LRP1B: variants seen among roughly 807,000 people sequenced by gnomAD.
LRP1B encodes the protein low-density lipoprotein receptor-related protein 1B.
Under a neutral mutation model 556.6 loss-of-function variants are expected in LRP1B, and 217 were observed. The observed-to-expected ratio is 0.39, with a 90% CI of 0.35 to 0.44. The LOEUF is 0.44. Ranked by LOEUF, LRP1B falls within the 20% of genes least tolerant of loss-of-function variation. The pLI, the probability that LRP1B is intolerant of heterozygous loss-of-function variation, is 1.00. For synonymous variants in LRP1B, 2,047 were observed against 1,865.8 expected (o/e 1.10, Z -2.50); for missense variants, 5,053 against 5,620.8 (o/e 0.90, Z 3.23).
At chr2:140,989,396 C>G in intron 17 of LRP1B, 136 bp downstream of exon 17, 1 of 884,428 alleles carries the variant, frequency 1.1e-6, no homozygotes, top group Non-Finnish European at 1.7e-6. Context: ...TGGCATCAAA[C>G]TCTGAATTCA....
At chr2:141,012,611 T>G (rs896050717) in intron 14 of LRP1B, among the ~76,000 whole-genome samples, 1 of 152,004 alleles carries the variant, frequency 6.6e-6, no homozygotes, top group Non-Finnish European at 1.5e-5. Flanking sequence ...ATATTTCTCA[T>G]GTACACATTT....
intron 1 of LRP1B, among the ~76,000 whole-genome samples, chr2:141,821,153 A>G (rs1696739791): frequency 6.6e-6 from 1 of 152,246 alleles, no homozygotes; most frequent in South Asian, 2.1e-4. Context: ...AGCCTCCAAA[A>G]GAACTCAGCC....
intron 2 of LRP1B, among the ~76,000 whole-genome samples, chr2:141,734,159 T>C (rs528337199): frequency 5.9e-5 from 9 of 152,248 alleles, no homozygotes; most frequent in Non-Finnish European, 1.0e-4. Context: ...ACTGAATCCA[T>C]TGTAATTAAT....
intron 73 of LRP1B, among the ~76,000 whole-genome samples, chr2:140,358,348 A>C (rs189646274): frequency 2.0e-5 from 3 of 151,826 alleles, no homozygotes; most frequent in African/African-American, 7.2e-5. Flanking sequence ...AAATTTTAAA[A>C]TATTTACCCT....
intron 20 of LRP1B, among the ~76,000 whole-genome samples, chr2:140,945,543 G>T (rs997307970): frequency 2.0e-5 from 3 of 152,052 alleles, no homozygotes; most frequent in Non-Finnish European, 2.9e-5. Context: ...AAAGAGCTCA[G>T]AAATAAAGCT....
chr2:140,246,956 C>A, intron 87 of LRP1B, 130 bp downstream of exon 87: 1 of 613,352 alleles, frequency 1.6e-6, no homozygotes, highest in South Asian at 1.9e-5. Flanking sequence ...TTCAAAAACA[C>A]CTCAATTGCA....
intron 2 of LRP1B, among the ~76,000 whole-genome samples, chr2:141,653,528 T>A (rs918928193): frequency 6.6e-6 from 1 of 152,198 alleles, no homozygotes; most frequent in African/African-American, 2.4e-5. Flanking sequence ...TATCTACAGA[T>A]CCAGTTAGAT....
At chr2:140,419,925 C>T (rs1296434396) in intron 66 of LRP1B, among the ~76,000 whole-genome samples, 1 of 151,188 alleles carries the variant, frequency 6.6e-6, no homozygotes, top group Non-Finnish European at 1.5e-5. Context: ...GGAGAATAAC[C>T]TGAACCCAGG....
At chr2:141,754,207 C>T (rs1694239973) in intron 2 of LRP1B, among the ~76,000 whole-genome samples, 1 of 151,998 alleles carries the variant, frequency 6.6e-6, no homozygotes, top group Non-Finnish European at 1.5e-5. Context: ...TGTCCTCAGG[C>T]TCTCTCATTT....
At chr2:142,126,538 C>A (rs191282316) in intron 1 of LRP1B, among the ~76,000 whole-genome samples, 11 of 151,902 alleles carry the variant, frequency 7.2e-5, no homozygotes, top group Non-Finnish European at 1.2e-4. Context: ...GCATGTTTAA[C>A]TTTTAGGATT....
chr2:140,732,746 A>G (rs1013019568), intron 35 of LRP1B, among the ~76,000 whole-genome samples: 1 of 152,148 alleles, frequency 6.6e-6, no homozygotes, highest in African/African-American at 2.4e-5. Flanking sequence ...TATCAGGTAA[A>G]TGAAGAGACA....
At chr2:140,590,689 A>G (rs1435449475) in intron 43 of LRP1B, among the ~76,000 whole-genome samples, 2 of 152,052 alleles carry the variant, frequency 1.3e-5, no homozygotes, top group East Asian at 1.9e-4. Context: ...CAACCTGACT[A>G]TGCTGGCACC....
chr2:141,382,811 C>A (rs1469456162), intron 3 of LRP1B, among the ~76,000 whole-genome samples: 2 of 152,132 alleles, frequency 1.3e-5, no homozygotes, highest in Non-Finnish European at 2.9e-5. Flanking sequence ...ACATTGGTCT[C>A]AGCAGTGATT....
intron 67 of LRP1B, among the ~76,000 whole-genome samples, chr2:140,385,455 T>C (rs1260385970): frequency 6.6e-6 from 1 of 152,158 alleles, no homozygotes; most frequent in South Asian, 2.1e-4. Flanking sequence ...TTGACTACTG[T>C]AGAGAGAATA....
intron 15 of LRP1B, among the ~76,000 whole-genome samples, chr2:140,995,492 T>C (rs1697218565): frequency 6.6e-6 from 1 of 152,062 alleles, no homozygotes; most frequent in Non-Finnish European, 1.5e-5. Flanking sequence ...AATACCACTT[T>C]ATATTTATGC....
chr2:140,700,754 C>A, intron 40 of LRP1B, 133 bp from the exon 41 acceptor site: 1 of 915,116 alleles, frequency 1.1e-6, no homozygotes, highest in African/African-American at 1.9e-5. Flanking sequence ...TTAAGCTGGT[C>A]AATAAAAAAT....
At chr2:140,392,287 C>T (rs145926181) in intron 66 of LRP1B, among the ~76,000 whole-genome samples, 1,567 of 152,070 alleles carry the variant, frequency 0.01, 15 homozygotes, top group Non-Finnish European at 0.017. Flanking sequence ...GATATTTATC[C>T]TAAAACAGTT....
At chr2:141,846,670 A>G (rs1697655694) in intron 1 of LRP1B, among the ~76,000 whole-genome samples, 1 of 151,508 alleles carries the variant, frequency 6.6e-6, no homozygotes, top group Non-Finnish European at 1.5e-5. Context: ...AATACAATTT[A>G]CTTCAAGAAT....
chr2:140,526,154 G>A lies in LRP1B; in HGVS notation c.7876+83C>T, dbSNP rs1055360833. Reference sequence around the variant, plus strand: ...TAATTACATACCAATTTTGGACAAAGTTCAGTAAAATCTTGCACAGTGTTC... The same window carrying A: ...TAATTACATACCAATTTTGGACAAAATTCAGTAAAATCTTGCACAGTGTTC... On this transcript the variant is annotated intron_variant, in intron 48 of 90. Transcript: ENST00000389484. The A allele has an allele frequency of 1.3e-5, 19 of 1,432,426 alleles. 1 individual carries two copies. The South Asian group carries it at 2.1e-4, about 16-fold the overall frequency. 88.7% of individuals were successfully genotyped at this position (1,432,426 alleles called of 1,614,324 possible).
Sources: allele counts gnomAD v4.1 joint callset (sites outside exome capture counted in the v4.1 genomes callset), GRCh38; gene constraint gnomAD v4.1.1; transcripts MANE v1.5; gene names NCBI Gene and HGNC (gene_info 2026-07-23, HGNC 2026-07-21).